Variants in SEC16B observed in about 807,000 individuals in gnomAD.
The protein encoded by SEC16B is SEC16 homolog B, endoplasmic reticulum export factor.
SEC16B carries 115 observed loss-of-function variants against 141.8 expected under a neutral mutation model. The observed-to-expected ratio is 0.81, with a 90% CI of 0.70 to 0.95. The LOEUF (loss-of-function observed/expected upper bound fraction) is 0.95, where lower values mean the gene tolerates loss of function less well. SEC16B is among the 40% of genes least tolerant of loss of function. The pLI, the probability that SEC16B is intolerant of heterozygous loss-of-function variation, is 0.00. For synonymous variants in SEC16B, 493 were observed against 492.5 expected (o/e 1.00, Z -0.01); for missense variants, 1,291 against 1,312.3 (o/e 0.98, Z 0.25).
At chr1:177,933,431 G>A in intron 21 of SEC16B, 53 bp downstream of exon 21, 1 of 1,592,424 alleles carries the variant, frequency 6.3e-7, no homozygotes, top group Non-Finnish European at 8.6e-7. Flanking sequence ...CACCCTCGAG[G>A]AAGGGAATGG....
In SEC16B at chr1:177,942,085, G is replaced by A. The variant is rs371660987; in HGVS notation, c.1882-45C>T. ...AGTGACTAGTCCATCCAGGCAGGGAGAGAAGGAGAAAGAAACATAGATAAG... is the reference window on the plus strand; with the variant it reads ...AGTGACTAGTCCATCCAGGCAGGGAAAGAAGGAGAAAGAAACATAGATAAG... On this transcript the variant is annotated intron_variant, in intron 15 of 25. Transcript: ENST00000308284. 7.7e-6 allele frequency: 12 copies of A among 1,559,484 alleles called. No homozygotes were observed. The African/African-American group carries it at 1.4e-4, about 18-fold the overall frequency.
chr1:177,974,609 C>T (rs1654095988), upstream of SEC16B, among the ~76,000 whole-genome samples: 1 of 151,866 alleles, frequency 6.6e-6, no homozygotes, highest in African/African-American at 2.4e-5. Context: ...ATGATCTTAA[C>T]GGAACAATTT....
At position 177,932,897 on chromosome 1, in the gene SEC16B, G is replaced by A. The variant is rs372137118; in HGVS notation, c.2824-91C>T. 4.4e-5 allele frequency: 57 copies of A among 1,284,324 alleles called. No homozygotes were observed. The South Asian group carries it at 5.3e-4, about 12-fold the overall frequency. 79.6% of individuals were successfully genotyped at this position (1,284,324 alleles called of 1,614,324 possible). Reference sequence around the variant, plus strand: ...TTTGTGTTCCCACACTCACGATGGCGGCCTTGCCACAAACTGCTGCTGGGC... The same window carrying A: ...TTTGTGTTCCCACACTCACGATGGCAGCCTTGCCACAAACTGCTGCTGGGC... On this transcript the variant is annotated intron_variant, in intron 22 of 25. Transcript: ENST00000308284.
intron 1 of SEC16B, among the ~76,000 whole-genome samples, chr1:177,982,331 G>A (rs1245364872): frequency 2.0e-5 from 3 of 152,170 alleles, no homozygotes; most frequent in Non-Finnish European, 4.4e-5. Context: ...GAAGACACAG[G>A]CAGAATAAAG....
intron 12 of SEC16B, among the ~76,000 whole-genome samples, chr1:177,950,976 G>GAAAA: frequency 1.6e-5 from 2 of 123,468 alleles, no homozygotes; most frequent in African/African-American, 6.2e-5. Flanking sequence ...AAGGAAGGGA[G>GAAAA]GGAGGGAGGG....
rs748912211 is a variant in SEC16B, at chr1:177,932,538, G to A, written c.2964C>T (p.Ser988=). ...GGGEGRGSAS[S]GGAAAGAGVG... is the part of the protein sequence containing the mutation. Reference sequence around the variant, plus strand: ...CCCCAGCGCCCGCAGCTGCTCCCCCGCTGGATGCGGATCCTCGGCCTTCAC... The same window carrying A: ...CCCCAGCGCCCGCAGCTGCTCCCCCACTGGATGCGGATCCTCGGCCTTCAC... The change falls in exon 24 of 26, where the codon AGC becomes AGT. Residue 988 remains serine (S), a synonymous_variant. Coordinates refer to ENST00000308284, the MANE Select transcript of SEC16B (RefSeq NM_033127.4). 66 of 1,560,998 alleles carry A rather than the reference G, an allele frequency of 4.2e-5. No homozygotes were observed. Among genetic ancestry groups the A allele is most frequent in the African/African-American group, 2.7e-5 (2 of 73,094 alleles).
At chr1:177,930,026 T>C (rs993582726) in intron 25 of SEC16B, 97 bp from the exon 26 acceptor site, 32 of 1,170,940 alleles carry the variant, frequency 2.7e-5, no homozygotes, top group Admixed American at 6.4e-5. Flanking sequence ...CCTGAGCCTC[T>C]GTGTAGAACA....
At chr1:177,973,633 T>C (rs1320035730), upstream of SEC16B, among the ~76,000 whole-genome samples, 1 of 152,142 alleles carries the variant, frequency 6.6e-6, no homozygotes, top group East Asian at 1.9e-4. Context: ...TTGATAGAGG[T>C]TGAGTCGTTT....
In SEC16B at chr1:177,946,549, C is replaced by T. The variant is rs1157525966; in HGVS notation, c.1664-18G>A. 2.5e-5 allele frequency: 39 copies of T among 1,549,352 alleles called. No individual in the cohort carries two copies. Among genetic ancestry groups the T allele is most frequent in the Non-Finnish European group, 3.3e-5 (38 of 1,143,888 alleles). On this transcript the variant is annotated intron_variant, in intron 13 of 25. Coordinates refer to ENST00000308284, the MANE Select transcript of SEC16B (RefSeq NM_033127.4). ...CTTCCCAGCTGCGGGAGGAAGAGAA[C>T]AAGACCCAATCACGGAGCACACCCG...
intron 24 of SEC16B, 53 bp from the exon 25 acceptor site, chr1:177,930,696 G>T: frequency 7.6e-7 from 1 of 1,311,882 alleles, no homozygotes; most frequent in South Asian, 1.2e-5. Context: ...CCAGATTCCA[G>T]AATGTCGAGG....
At chr1:177,936,863 G>T (rs1650880319) in intron 19 of SEC16B, among the ~76,000 whole-genome samples, 1 of 152,200 alleles carries the variant, frequency 6.6e-6, no homozygotes, top group Non-Finnish European at 1.5e-5. Context: ...GTAAGCTCTT[G>T]AGTGCAGGAT....
At chr1:177,975,284 C>T (rs1174343187) in intron 1 of SEC16B, among the ~76,000 whole-genome samples, 1 of 152,150 alleles carries the variant, frequency 6.6e-6, no homozygotes, top group East Asian at 1.9e-4. Context: ...CAGTGCCTGG[C>T]ATATGACAAG....
chr1:177,969,524 T>C (rs1439320433), intron 1 of SEC16B, among the ~76,000 whole-genome samples: 2 of 152,148 alleles, frequency 1.3e-5, no homozygotes, highest in East Asian at 3.9e-4. Context: ...TCAAAACCAT[T>C]TGGACCAAGT....
At chr1:177,983,832 T>C (rs1654521085) in intron 1 of SEC16B, among the ~76,000 whole-genome samples, 1 of 152,232 alleles carries the variant, frequency 6.6e-6, no homozygotes. Flanking sequence ...CTAAGCTTCC[T>C]TTCATCTTTC....
At position 177,939,714 on chromosome 1, in the gene SEC16B, C is replaced by A; in HGVS notation, c.2191G>T (p.Gly731Ter). 6.3e-7 allele frequency: 1 copy of A among 1,595,200 alleles called. No homozygotes were observed. Among genetic ancestry groups the A allele is most frequent in the Non-Finnish European group, 8.5e-7 (1 of 1,169,708 alleles). The change falls in exon 18 of 26, where the codon GGA becomes TGA. Residue 731 changes from glycine to a stop codon, truncating the protein, a stop_gained. Transcript: ENST00000308284. LOFTEE classifies it high-confidence loss of function. Reference protein sequence around the residue: ...PTRSDISGAGGTTTENTFYQD... With the variant: ...PTRSDISGAG ...TCATTTTGGGTACCTGTTGTTGTTC[C>A]TCCGGCTCCCGAAATATCTGAGCGA...
chr1:177,947,173 A>T (rs934120573), intron 13 of SEC16B, among the ~76,000 whole-genome samples: 15 of 152,190 alleles, frequency 9.9e-5, no homozygotes, highest in Non-Finnish European at 1.5e-4. Flanking sequence ...GCAATATTTT[A>T]AAAAGCCTCA....
intron 10 of SEC16B, among the ~76,000 whole-genome samples, chr1:177,954,817 AGT>A (rs1349464487): frequency 6.6e-6 from 1 of 152,170 alleles, no homozygotes; most frequent in Non-Finnish European, 1.5e-5. Context: ...GCCATTCCAC[AGT>A]GTGTGTGTAT....
intron 2 of SEC16B, among the ~76,000 whole-genome samples, chr1:177,966,854 C>A (rs759866345): frequency 2.6e-5 from 4 of 152,146 alleles, no homozygotes; most frequent in Non-Finnish European, 5.9e-5. Context: ...GGATTACAGG[C>A]GTGATCCAGG....
At chr1:177,963,877 A>G (rs760885995) in intron 5 of SEC16B, among the ~76,000 whole-genome samples, 1 of 152,210 alleles carries the variant, frequency 6.6e-6, no homozygotes, top group Non-Finnish European at 1.5e-5. Flanking sequence ...ACACCTGATG[A>G]CAGCGTCCTC....
Sources: allele counts gnomAD v4.1 joint callset (sites outside exome capture counted in the v4.1 genomes callset), GRCh38; gene constraint gnomAD v4.1.1; transcripts MANE v1.5; gene names NCBI Gene and HGNC (gene_info 2026-07-23, HGNC 2026-07-21).